DIP2C: variants seen among roughly 807,000 people sequenced by gnomAD.
DIP2C encodes the protein disco-interacting protein 2 homolog C.
Under a neutral mutation model 192.4 loss-of-function variants are expected in DIP2C, and 33 were observed. That is an observed-to-expected ratio of 0.17 (90% CI 0.13 to 0.23). DIP2C has a LOEUF of 0.23. Among genes scored for constraint, DIP2C ranks in the 10% least tolerant of loss-of-function variants. The pLI is 1.00. For synonymous variants in DIP2C, 979 were observed against 864.1 expected, an observed-to-expected ratio of 1.13 and a Z score of -2.33; for missense variants, 1,537 against 2,110.1, an observed-to-expected ratio of 0.73 and a Z score of 5.32.
intron 1 of DIP2C, chr10:628,600 C>T (rs1854329759): frequency 2.0e-5 from 3 of 152,584 alleles, no homozygotes; most frequent in Admixed American, 6.5e-5. Flanking sequence ...AAGGCGGGGA[C>T]ACGGCACAGA....
rs368854944 is a variant in DIP2C at position 331,262 on chromosome 10, G to A, written c.3585-1661C>T. Reference sequence around the variant, plus strand: ...TTGTTTATAAGAGAATCCAACTAAAGAAATGTAAGGAAGTTAGGTTGGCTA... The same window carrying A: ...TTGTTTATAAGAGAATCCAACTAAAAAAATGTAAGGAAGTTAGGTTGGCTA... On this transcript the variant is annotated intron_variant, in intron 29 of 36. Transcript: ENST00000280886. Among the ~76,000 whole-genome samples the A allele has an allele frequency of 2.2e-4, 33 of 152,270 alleles. No homozygotes were observed. In the East Asian group the frequency reaches 3.3e-3, roughly 15 times the overall value.
chr10:670,124 A>G (rs1830537621), intron 1 of DIP2C, among the ~76,000 whole-genome samples: 3 of 152,156 alleles, frequency 2.0e-5, no homozygotes, highest in Admixed American at 6.5e-5. Flanking sequence ...ATATGCTCAT[A>G]CATGTACACG....
chr10:411,802 T>C (rs901259487), intron 8 of DIP2C, among the ~76,000 whole-genome samples: 1 of 152,266 alleles, frequency 6.6e-6, no homozygotes, highest in Non-Finnish European at 1.5e-5. Context: ...CACCCAGTCA[T>C]GCGTTCATCT....
intron 29 of DIP2C, among the ~76,000 whole-genome samples, chr10:333,558 C>T (rs529018460): frequency 6.6e-6 from 1 of 152,316 alleles, no homozygotes; most frequent in South Asian, 2.1e-4. Context: ...CTAGCGGATA[C>T]CTGGATTGTT....
intron 1 of DIP2C, among the ~76,000 whole-genome samples, chr10:588,213 A>G (rs1851190101): frequency 6.8e-6 from 1 of 147,936 alleles, no homozygotes; most frequent in African/African-American, 2.5e-5. Context: ...CCACTGCCTC[A>G]GCCCTGACCC....
intron 1 of DIP2C, among the ~76,000 whole-genome samples, chr10:593,127 C>CA (rs1851497893): frequency 1.3e-5 from 2 of 152,118 alleles, no homozygotes; most frequent in Non-Finnish European, 2.9e-5. Flanking sequence ...AGGCAGTCCC[C>CA]ACACCTTTGA....
chr10:546,927 AAG>A (rs1427421962), intron 1 of DIP2C, among the ~76,000 whole-genome samples: 7 of 152,342 alleles, frequency 4.6e-5, no homozygotes, highest in African/African-American at 9.6e-5. Flanking sequence ...CTTGAGATGA[AAG>A]AATCAATTTG....
At chr10:606,568 G>T (rs72478227) in intron 1 of DIP2C, among the ~76,000 whole-genome samples, 4,214 of 143,518 alleles carry the variant, frequency 0.029, 92 homozygotes, top group African/African-American at 0.1. Context: ...GTTGGGAAGG[G>T]GATCTCTCGC....
At chr10:459,942 C>T (rs1004653954) in intron 3 of DIP2C, among the ~76,000 whole-genome samples, 1 of 147,428 alleles carries the variant, frequency 6.8e-6, no homozygotes, top group African/African-American at 2.5e-5. Context: ...CCACCTGCTG[C>T]ACGTGAGCTC....
chr10:534,397 T>C (rs1435709040), intron 1 of DIP2C, among the ~76,000 whole-genome samples: 2 of 152,204 alleles, frequency 1.3e-5, no homozygotes, highest in African/African-American at 4.8e-5. Flanking sequence ...TAGTCACAGA[T>C]GGCAAATGCC....
intron 17 of DIP2C, among the ~76,000 whole-genome samples, chr10:381,293 T>C (rs954758078): frequency 1.3e-5 from 2 of 152,214 alleles, no homozygotes; most frequent in Non-Finnish European, 2.9e-5. Flanking sequence ...ACAGTCTTAA[T>C]GAGACTGAGT....
chr10:665,832 T>C (rs1857056785), intron 1 of DIP2C: 1 of 151,752 alleles, frequency 6.6e-6, no homozygotes, highest in Non-Finnish European at 1.5e-5. Context: ...GAGCCAGGCT[T>C]ATCTCTTACA....
chr10:341,053 A>T, intron 29 of DIP2C, 146 bp downstream of exon 29: 1 of 1,126,616 alleles, frequency 8.9e-7, no homozygotes, highest in Non-Finnish European at 1.3e-6. Context: ...CCACCAGGAG[A>T]AGTAGAGGGA....
At position 304,710 on chromosome 10, in the gene DIP2C, T is replaced by G. The variant is rs201684785; in HGVS notation, c.3986+5321A>C. Among the ~76,000 whole-genome samples, 35 of 152,008 alleles carry G rather than the reference T, an allele frequency of 2.3e-4. 1 individual carries two copies. The East Asian group carries it at 6.0e-3, about 26-fold the overall frequency. On this transcript the variant is annotated intron_variant, in intron 32 of 36. Transcript: ENST00000280886. ...TAGCCCACACACTAGCACAAACTCA[T>G]CTGCATGCACACACGTACACATGTA...
intron 11 of DIP2C, among the ~76,000 whole-genome samples, 159 bp downstream of exon 11, chr10:390,581 G>A (rs763814041): frequency 6.6e-5 from 10 of 151,834 alleles, no homozygotes; most frequent in African/African-American, 1.7e-4. Context: ...CTGGCAACTC[G>A]GCTGTGTCAT....
At chr10:642,659 G>A (rs1273579879) in intron 1 of DIP2C, among the ~76,000 whole-genome samples, 1 of 152,238 alleles carries the variant, frequency 6.6e-6, no homozygotes, top group Non-Finnish European at 1.5e-5. Context: ...TCAGGGCTCC[G>A]CACACCCCCG....
At chr10:580,040 G>A (rs544027109) in intron 1 of DIP2C, among the ~76,000 whole-genome samples, 4 of 152,098 alleles carry the variant, frequency 2.6e-5, no homozygotes, top group Admixed American at 1.3e-4. Context: ...TCTCTATCCA[G>A]TGTACACAGG....
chr10:391,258 C>T (rs536886353), intron 10 of DIP2C, among the ~76,000 whole-genome samples: 18 of 152,284 alleles, frequency 1.2e-4, no homozygotes, highest in Middle Eastern at 3.4e-3. Flanking sequence ...CTTCTACTAA[C>T]ATGCTAACAC....
At chr10:592,389 C>T (rs1166904293) in intron 1 of DIP2C, among the ~76,000 whole-genome samples, 1 of 152,184 alleles carries the variant, frequency 6.6e-6, no homozygotes, top group Admixed American at 6.5e-5. Context: ...GCTGAATAGA[C>T]ATACATACCC....
Sources: gnomAD v4.1 joint callset for allele counts (sites outside exome capture counted in the v4.1 genomes callset) on GRCh38, gnomAD v4.1.1 for gene constraint, MANE v1.5 for transcripts, NCBI Gene and HGNC (gene_info 2026-07-23, HGNC 2026-07-21) for gene names.